Variants in OR52E4 observed in about 807,000 individuals in gnomAD.
The protein encoded by OR52E4 is olfactory receptor family 52 subfamily E member 4.
For missense variants in OR52E4, 444 were observed against 383.8 expected, an observed-to-expected ratio of 1.16 and a Z score of -1.31; for synonymous variants, 169 against 137.4, an observed-to-expected ratio of 1.23 and a Z score of -1.61.
chr11:5,883,212 G>T (rs567582674), intron 1 of OR52E4, among the ~76,000 whole-genome samples: 1 of 152,088 alleles, frequency 6.6e-6, no homozygotes, highest in African/African-American at 2.4e-5. Context: ...TTATTGGAAG[G>T]ATATCAGGGA....
chr11:5,881,459 T>C (rs2134273628), intron 1 of OR52E4, among the ~76,000 whole-genome samples: 1 of 152,240 alleles, frequency 6.6e-6, no homozygotes, highest in South Asian at 2.1e-4. Flanking sequence ...AAATTGTTTC[T>C]TTTCTAAATG....
In OR52E4 at chr11:5,884,462, T is replaced by C. The variant is rs1406320094; in HGVS notation, c.170T>C (p.Leu57Pro). 6.2e-7 allele frequency: 1 copy of C among 1,613,608 alleles called. No individual in the cohort carries two copies. ...ILFVIKTEHS[L>P]HQPMFYFLAM... ...TTTGTGATCAAAACTGAACATAGTC[T>C]ACACCAGCCCATGTTCTACTTCCTG... Residue 57 changes from leucine (L) to proline (P), a missense_variant, in exon 2 of 2, where the codon CTA (leucine) becomes CCA (proline). By Grantham distance (98) the Leu-to-Pro change is moderately conservative. Coordinates refer to ENST00000641726, the MANE Select transcript of OR52E4 (RefSeq NM_001005165.2).
rs1847023904 is a variant in OR52E4, at chr11:5,885,159, C to T, written c.867C>T (p.Asn289=). The T allele has an allele frequency of 1.9e-6, 3 of 1,613,258 alleles. No homozygotes were observed. The highest frequency in any genetic ancestry group is 1.7e-4 in the Middle Eastern group (1 of 6,046). ...ATGTGGTTGTCCCACCTGCCCTTAACCCTGTCATTTATGGAGTCAGGACCA... is the reference window on the plus strand; with the variant it reads ...ATGTGGTTGTCCCACCTGCCCTTAATCCTGTCATTTATGGAGTCAGGACCA... ...NLYVVVPPAL[N]PVIYGVRTKQ... Residue 289 remains asparagine (N), a synonymous_variant, in exon 2 of 2, where the codon AAC becomes AAT. Coordinates refer to ENST00000641726, the MANE Select transcript of OR52E4 (RefSeq NM_001005165.2).
At chr11:5,880,976 C>A (rs1356203380) in intron 1 of OR52E4, among the ~76,000 whole-genome samples, 1 of 152,088 alleles carries the variant, frequency 6.6e-6, no homozygotes, top group Non-Finnish European at 1.5e-5. Flanking sequence ...CACACACATA[C>A]ACTCATACAC....
At position 5,884,304 on chromosome 11, in the gene OR52E4, C is replaced by A. The variant is rs373157310; in HGVS notation, c.12C>A (p.Ile4=). ...CACTTGCTGGGAGAATGCCTTCTATCAATGACACCCACTTCTATCCCCCCT... is the reference window on the plus strand; with the variant it reads ...CACTTGCTGGGAGAATGCCTTCTATAAATGACACCCACTTCTATCCCCCCT... MPS[I]NDTHFYPPFF... The change falls in exon 2 of 2, where the codon ATC becomes ATA. Residue 4 remains isoleucine, a synonymous_variant. Transcript: ENST00000641726. The A allele has an allele frequency of 2.7e-5, 43 of 1,606,854 alleles. No homozygotes were observed. Among genetic ancestry groups the A allele is most frequent in the Admixed American group, 1.7e-5 (1 of 59,634 alleles).
At chr11:5,880,888 T>C (rs1846954352) in intron 1 of OR52E4, among the ~76,000 whole-genome samples, 174 bp downstream of exon 1, 1 of 152,152 alleles carries the variant, frequency 6.6e-6, no homozygotes, top group African/African-American at 2.4e-5. Context: ...AGGGCAGTGG[T>C]GTACCAATTA....
chr11:5,885,290 G>T lies in OR52E4; in HGVS notation c.*59G>T. On this transcript the variant is annotated 3_prime_UTR_variant, in exon 2 of 2. Coordinates refer to ENST00000641726, the MANE Select transcript of OR52E4 (RefSeq NM_001005165.2). ...TACAACCCAAATTATCATCATCTGA[G>T]CTCCCTTTTTAATCTTCTGTAACAG... 8.6e-7 allele frequency: 1 copy of T among 1,163,290 alleles called. No homozygotes were observed. Among genetic ancestry groups the T allele is most frequent in the Non-Finnish European group, 1.2e-6 (1 of 837,520 alleles). 72.1% of individuals were successfully genotyped at this position (1,163,290 alleles called of 1,614,324 possible).
intron 1 of OR52E4, among the ~76,000 whole-genome samples, chr11:5,882,719 T>TTA (rs1846980168): frequency 6.7e-6 from 1 of 148,206 alleles, no homozygotes; most frequent in Admixed American, 6.7e-5. Flanking sequence ...TCTCTCTCTC[T>TTA]CTCACTCTCT....
rs143096078 is a variant in OR52E4, at chr11:5,885,194, G to A, written c.902G>A (p.Arg301Gln). The A allele has an allele frequency of 2.9e-4, 469 of 1,598,664 alleles. 2 individuals are homozygous for A. The African/African-American group carries it at 5.6e-3, about 19-fold the overall frequency. The change falls in exon 2 of 2, where the codon CGA becomes CAA. Residue 301 changes from arginine (R) to glutamine (Q), a missense_variant. Coordinates refer to ENST00000641726, the MANE Select transcript of OR52E4 (RefSeq NM_001005165.2). The stretch of plus-strand genomic sequence containing the variant: ...TATGGAGTCAGGACCAAGCAGATCC[G>A]AGAGCAAATTGTGAAAATATTTGTA... ...VIYGVRTKQIREQIVKIFVQK... is the reference protein window; with the variant it reads ...VIYGVRTKQIQEQIVKIFVQK...
intron 1 of OR52E4, among the ~76,000 whole-genome samples, chr11:5,881,569 C>A (rs1846963963): frequency 6.6e-6 from 1 of 152,070 alleles, no homozygotes; most frequent in South Asian, 2.1e-4. Context: ...TGAGCCATTC[C>A]TCCTTTATCT....
At chr11:5,881,977 A>C (rs1846968821) in intron 1 of OR52E4, among the ~76,000 whole-genome samples, 1 of 152,076 alleles carries the variant, frequency 6.6e-6, no homozygotes, top group African/African-American at 2.4e-5. Flanking sequence ...ATAAAAATCC[A>C]ACAAAGTAAA....
rs1847029241 is a variant in OR52E4, at chr11:5,885,440, G to C, written c.*209G>C. 4.1e-6 allele frequency: 2 copies of C among 486,124 alleles called. No individual in the cohort carries two copies. Among genetic ancestry groups the C allele is most frequent in the Non-Finnish European group, 3.6e-6 (1 of 276,740 alleles). 30.1% of individuals were successfully genotyped at this position (486,124 alleles called of 1,614,324 possible). A position where few individuals can be genotyped will look rare whatever the true frequency, so the allele number is the denominator to read the frequency against. On this transcript the variant is annotated 3_prime_UTR_variant, in exon 2 of 2. Coordinates refer to ENST00000641726, the MANE Select transcript of OR52E4 (RefSeq NM_001005165.2). Reference sequence around the variant, plus strand: ...TCTCCAAGTACCTGGACAAAGGTTAGAGATTAATGGAGAAGGTAACTATGC... The same window carrying C: ...TCTCCAAGTACCTGGACAAAGGTTACAGATTAATGGAGAAGGTAACTATGC...
Position 5,884,750 on chromosome 11 carries a change from G to A in OR52E4, c.458G>A (p.Arg153Lys), listed in dbSNP as rs754577619. Residue 153 changes from arginine to lysine, a missense_variant, in exon 2 of 2, where the codon AGA (arginine) becomes AAA (lysine). Arg to Lys is a conservative substitution (Grantham distance 26). Coordinates refer to ENST00000641726, the MANE Select transcript of OR52E4 (RefSeq NM_001005165.2). ...ISILASVVVGRNLVLVTPFVF... is the reference protein window; with the variant it reads ...ISILASVVVGKNLVLVTPFVF... The stretch of plus-strand genomic sequence containing the variant: ...ATCCTAGCTTCTGTGGTTGTTGGAA[G>A]AAATTTAGTTCTTGTAACCCCATTT... The A allele has an allele frequency of 1.2e-6, 2 of 1,613,658 alleles. No homozygotes were observed. The highest frequency in any genetic ancestry group is 1.7e-6 in the Non-Finnish European group (2 of 1,179,784).
At position 5,883,507 on chromosome 11, in the gene OR52E4, T is replaced by C. The variant is rs1272152911; in HGVS notation, c.-74-712T>C. Among the ~76,000 whole-genome samples the C allele has an allele frequency of 4.6e-5, 7 of 152,036 alleles. No homozygotes were observed. The East Asian group carries it at 1.4e-3, about 29-fold the overall frequency. On this transcript the variant is annotated intron_variant, in intron 1 of 1. Transcript: ENST00000641726. ...TATTGAGATACTCAGAATTTTAGTTTCTCTGAATTACATCCATAATATTTA... is the reference window on the plus strand; with the variant it reads ...TATTGAGATACTCAGAATTTTAGTTCCTCTGAATTACATCCATAATATTTA...
rs1363732587 is a variant in OR52E4 at position 5,887,061 on chromosome 11, C to T, written c.*1830C>T. The T allele has an allele frequency of 1.3e-5, 2 of 151,982 alleles. No homozygotes were observed. The highest frequency in any genetic ancestry group is 4.8e-5 in the African/African-American group (2 of 41,408). The allele number at this position is 151,982 out of a possible 1,614,324, so 9.4% of individuals were successfully genotyped here. A position where few individuals can be genotyped will look rare whatever the true frequency, so the allele number is the denominator to read the frequency against. ...AATACATTGAAACTTGATCTATTCCCTTTGTCTTACAAATAAAAAAAACTG... is the reference window on the plus strand; with the variant it reads ...AATACATTGAAACTTGATCTATTCCTTTTGTCTTACAAATAAAAAAAACTG... On this transcript the variant is annotated 3_prime_UTR_variant, in exon 2 of 2. Transcript: ENST00000641726.
Position 5,885,265 on chromosome 11 carries a change from T to A in OR52E4, c.*34T>A. 1.5e-6 allele frequency: 2 copies of A among 1,369,706 alleles called. No homozygotes were observed. The highest frequency in any genetic ancestry group is 1.0e-6 in the Non-Finnish European group (1 of 1,003,292). The allele number at this position is 1,369,706 out of a possible 1,614,324, so 84.8% of individuals were successfully genotyped here. A position where few individuals can be genotyped will look rare whatever the true frequency, so the allele number is the denominator to read the frequency against. On this transcript the variant is annotated 3_prime_UTR_variant, in exon 2 of 2. Transcript: ENST00000641726. ...TAAAGTTTGGATAAATATATCTATATACAACCCAAATTATCATCATCTGAG... is the reference window on the plus strand; with the variant it reads ...TAAAGTTTGGATAAATATATCTATAAACAACCCAAATTATCATCATCTGAG...
At chr11:5,884,173 T>C (rs1847000949) in intron 1 of OR52E4, 46 bp from the exon 2 acceptor site, 2 of 714,094 alleles carry the variant, frequency 2.8e-6, no homozygotes, top group Admixed American at 2.4e-5. Context: ...TAACCACCTA[T>C]ACCATTACCT....
Position 5,886,934 on chromosome 11 carries a change from T to C in OR52E4, c.*1703T>C, listed in dbSNP as rs1382871394. On this transcript the variant is annotated 3_prime_UTR_variant, in exon 2 of 2. Transcript: ENST00000641726. ...AATTCCTGAATTCTATAGTATTTTG[T>C]AGATTTTCTTTAGGTCTGTATGCAT... The C allele has an allele frequency of 6.6e-6, 1 of 152,110 alleles. No individual in the cohort carries two copies. The highest frequency in any genetic ancestry group is 1.5e-5 in the Non-Finnish European group (1 of 68,016). The allele number at this position is 152,110 out of a possible 1,614,324, so 9.4% of individuals were successfully genotyped here. A position where few individuals can be genotyped will look rare whatever the true frequency, so the allele number is the denominator to read the frequency against.
intron 1 of OR52E4, among the ~76,000 whole-genome samples, chr11:5,881,414 A>C (rs61876189): frequency 1.6e-3 from 251 of 152,234 alleles, no homozygotes; most frequent in Non-Finnish European, 3.0e-3. Flanking sequence ...CTTTGGTCTC[A>C]CCAAGATTGG....
Sources: gnomAD v4.1 joint callset for allele counts (sites outside exome capture counted in the v4.1 genomes callset) on GRCh38, gnomAD v4.1.1 for gene constraint, MANE v1.5 for transcripts, NCBI Gene and HGNC (gene_info 2026-07-23, HGNC 2026-07-21) for gene names.